ADIPOR2: variants seen among roughly 807,000 people sequenced by gnomAD.
ADIPOR2 encodes adiponectin receptor protein 2.
Under a neutral mutation model 40.9 loss-of-function variants are expected in ADIPOR2, and 18 were observed. That is an observed-to-expected ratio of 0.44 (90% CI 0.30 to 0.65). ADIPOR2 has a LOEUF of 0.65. Among genes scored for constraint, ADIPOR2 ranks in the 30% least tolerant of loss-of-function variants. The probability of loss-of-function intolerance (pLI) is 0.09; values close to 1 mark genes in which losing one functional copy is unlikely to be tolerated. For synonymous variants in ADIPOR2, 165 were observed against 166.4 expected, an observed-to-expected ratio of 0.99 and a Z score of 0.06; for missense variants, 283 against 479.2, an observed-to-expected ratio of 0.59 and a Z score of 3.82.
chr12:1,717,538 T>G lies in ADIPOR2; in HGVS notation c.-87+26347T>G, dbSNP rs11061945. Among the ~76,000 whole-genome samples the G allele has an allele frequency of 9.4e-3, 1,427 of 152,244 alleles. 33 individuals are homozygous for G. The highest frequency in any genetic ancestry group is 0.033 in the African/African-American group (1,370 of 41,542). On this transcript the variant is annotated intron_variant, in intron 1 of 7. Transcript: ENST00000357103. ...CTGATGAACATGGAGAAACCCTGTC[T>G]CTGCTAAAAATACAAAATTAGCCAG... is the stretch of plus-strand genomic sequence containing the variant.
rs572077954 is a variant in ADIPOR2, at chr12:1,728,901, T to TA, written c.-86-25351dup. On this transcript the variant is annotated intron_variant, in intron 1 of 7. Coordinates refer to ENST00000357103, the MANE Select transcript of ADIPOR2 (RefSeq NM_024551.3). ...TTCCATCTTGACTCTCTTTTACTGT[T>TA]AAAAAATCTTAGAACAAAGTAAAGC... Among the ~76,000 whole-genome samples the TA allele has an allele frequency of 4.1e-3, 625 of 150,974 alleles. 6 individuals are homozygous for TA. Among genetic ancestry groups the TA allele is most frequent in the African/African-American group, 0.014 (592 of 41,364 alleles).
rs971828894 is a variant in ADIPOR2 at position 1,788,202 on chromosome 12, C to G, written c.*2130C>G. ...GATCTGGTTCAACATAGCACAAACC[C>G]TTAGGAAAAATGAAATTAACATCAC... On this transcript the variant is annotated 3_prime_UTR_variant, in exon 8 of 8. Transcript: ENST00000357103. 1.3e-5 allele frequency: 2 copies of G among 152,652 alleles called. No individual in the cohort carries two copies. Among genetic ancestry groups the G allele is most frequent in the African/African-American group, 4.8e-5 (2 of 41,444 alleles). The allele number at this position is 152,652 out of a possible 1,614,324, so 9.5% of individuals were successfully genotyped here. A position where few individuals can be genotyped will look rare whatever the true frequency, so the allele number is the denominator to read the frequency against.
intron 1 of ADIPOR2, among the ~76,000 whole-genome samples, chr12:1,703,954 C>A (rs1011277849): frequency 6.6e-6 from 1 of 150,606 alleles, no homozygotes; most frequent in African/African-American, 2.4e-5. Flanking sequence ...CCTGACTGAT[C>A]CTCCTGCCTC....
chr12:1,743,237 A>C (rs1159588607), intron 1 of ADIPOR2, among the ~76,000 whole-genome samples: 1 of 131,732 alleles, frequency 7.6e-6, no homozygotes, highest in Non-Finnish European at 1.7e-5. Flanking sequence ...ACCAAAAAAA[A>C]AAAAAAAAAC....
chr12:1,727,960 C>G (rs568016074), intron 1 of ADIPOR2, among the ~76,000 whole-genome samples: 59 of 152,116 alleles, frequency 3.9e-4, no homozygotes, highest in African/African-American at 1.4e-3. Context: ...ATTGTCACTT[C>G]CCAGCTACCC....
intron 2 of ADIPOR2, among the ~76,000 whole-genome samples, chr12:1,772,496 G>A (rs1163793048): frequency 6.6e-6 from 1 of 152,114 alleles, no homozygotes; most frequent in Non-Finnish European, 1.5e-5. Context: ...CCAGGTGCGA[G>A]TCTTGGAGGT....
In ADIPOR2 at chr12:1,754,852, C is replaced by CCT. The variant is rs778494778; in HGVS notation, c.171+338_171+339insCT. Among the ~76,000 whole-genome samples the CCT allele has an allele frequency of 8.2e-4, 98 of 120,244 alleles. 1 individual carries two copies. Among genetic ancestry groups the CCT allele is most frequent in the Middle Eastern group, 4.0e-3 (1 of 250 alleles). The allele number at this position is 120,244 out of a possible 152,430, so 78.9% of individuals were successfully genotyped here. A position where few individuals can be genotyped will look rare whatever the true frequency, so the allele number is the denominator to read the frequency against. ...GGTTCAAGCGATTCTCCTGCCTCGA[C>CCT]TACAGGTACATGCCACCATGCCAGG... On this transcript the variant is annotated intron_variant, in intron 2 of 7. Coordinates refer to ENST00000357103, the MANE Select transcript of ADIPOR2 (RefSeq NM_024551.3).
intron 1 of ADIPOR2, among the ~76,000 whole-genome samples, chr12:1,734,747 AAG>A (rs2094726963): frequency 6.6e-6 from 1 of 152,200 alleles, no homozygotes; most frequent in Non-Finnish European, 1.5e-5. Flanking sequence ...TGTAACATTT[AAG>A]TCTTTAATCC....
intron 1 of ADIPOR2, among the ~76,000 whole-genome samples, chr12:1,716,579 A>G (rs1307153433): frequency 6.6e-6 from 1 of 152,234 alleles, no homozygotes; most frequent in Non-Finnish European, 1.5e-5. Context: ...AGCATATGAA[A>G]TTTCAAGTTT....
At chr12:1,734,306 A>G (rs924276580) in intron 1 of ADIPOR2, among the ~76,000 whole-genome samples, 5 of 152,140 alleles carry the variant, frequency 3.3e-5, no homozygotes, top group African/African-American at 1.2e-4. Flanking sequence ...TGCCATTCTA[A>G]CTGGTGTGAG....
chr12:1,729,583 G>C (rs1250387708), intron 1 of ADIPOR2, among the ~76,000 whole-genome samples: 1 of 141,080 alleles, frequency 7.1e-6, no homozygotes, highest in East Asian at 2.1e-4. Flanking sequence ...AAAGTGTTGG[G>C]ATTACAGGCA....
chr12:1,763,597 T>C (rs1289024036), intron 2 of ADIPOR2, among the ~76,000 whole-genome samples: 1 of 152,236 alleles, frequency 6.6e-6, no homozygotes, highest in Non-Finnish European at 1.5e-5. Context: ...TTTTTGTTTT[T>C]ATTAGATTTG....
chr12:1,756,946 A>G (rs982653248), intron 2 of ADIPOR2, among the ~76,000 whole-genome samples: 2 of 152,194 alleles, frequency 1.3e-5, no homozygotes, highest in Non-Finnish European at 2.9e-5. Context: ...TAAGGTAGGG[A>G]AATCAAGAGT....
chr12:1,733,680 A>T (rs2094724928), intron 1 of ADIPOR2, among the ~76,000 whole-genome samples: 1 of 152,140 alleles, frequency 6.6e-6, no homozygotes, highest in Admixed American at 6.5e-5. Flanking sequence ...ATATGTGTAC[A>T]TGTGCCATGT....
chr12:1,745,981 G>A (rs2094754111), intron 1 of ADIPOR2, among the ~76,000 whole-genome samples: 1 of 152,052 alleles, frequency 6.6e-6, no homozygotes, highest in Non-Finnish European at 1.5e-5. Context: ...ACTAAAGAAT[G>A]TAAAATAAAA....
At chr12:1,736,854 C>T (rs2094731953) in intron 1 of ADIPOR2, among the ~76,000 whole-genome samples, 1 of 152,178 alleles carries the variant, frequency 6.6e-6, no homozygotes, top group Non-Finnish European at 1.5e-5. Context: ...TTATTTCTGC[C>T]TTCATTTCGT....
chr12:1,779,886 T>C (rs1414049700), intron 4 of ADIPOR2, among the ~76,000 whole-genome samples: 1 of 152,154 alleles, frequency 6.6e-6, no homozygotes, highest in African/African-American at 2.4e-5. Context: ...TGTAGAACAG[T>C]GTAAGAATTG....
chr12:1,725,607 ATAAAAC>A (rs2094706360), intron 1 of ADIPOR2, among the ~76,000 whole-genome samples: 1 of 152,256 alleles, frequency 6.6e-6, no homozygotes, highest in South Asian at 2.1e-4. Context: ...TGGTAGGGTA[ATAAAAC>A]TAAGTACATC....
At chr12:1,769,036 G>C (rs1302532483) in intron 2 of ADIPOR2, among the ~76,000 whole-genome samples, 1 of 152,186 alleles carries the variant, frequency 6.6e-6, no homozygotes, top group Non-Finnish European at 1.5e-5. Context: ...AACAGAAGCA[G>C]AACATAGCAT....
Sources: gnomAD v4.1 joint callset for allele counts (sites outside exome capture counted in the v4.1 genomes callset) on GRCh38, gnomAD v4.1.1 for gene constraint, MANE v1.5 for transcripts, NCBI Gene and HGNC (gene_info 2026-07-23, HGNC 2026-07-21) for gene names.